Variants in MBTPS2 observed in about 807,000 individuals in gnomAD.
MBTPS2 encodes the protein membrane bound transcription factor peptidase, site 2.
A neutral mutation model predicts 35.4 loss-of-function variants in MBTPS2; 2 were observed. The ratio of observed to expected loss-of-function variants is 0.06; its 90% CI spans 0.02 to 0.18. MBTPS2 has a LOEUF of 0.18. Ranked by LOEUF, MBTPS2 falls within the 10% of genes least tolerant of loss-of-function variation. The pLI, the probability that MBTPS2 is intolerant of heterozygous loss-of-function variation, is 1.00. For synonymous variants in MBTPS2, 125 were observed against 140.4 expected, an observed-to-expected ratio of 0.89 and a Z score of 0.77; for missense variants, 244 against 386.5, an observed-to-expected ratio of 0.63 and a Z score of 3.09.
rs1382851867 is a variant in MBTPS2, at chrX:21,845,388, A to C, written c.438+4A>C. 1.7e-6 allele frequency: 2 copies of C among 1,194,899 alleles called. No individual in the cohort carries two copies. The highest frequency in any genetic ancestry group is 2.3e-6 in the Non-Finnish European group (2 of 885,273). On this transcript the variant is annotated splice_donor_region_variant and intron_variant, in intron 3 of 10. Coordinates refer to ENST00000379484, the MANE Select transcript of MBTPS2 (RefSeq NM_015884.4). ...TGAACAGGTGTTACAAGTTGTGGTA[A>C]GTATCGTCTTTTCGCTTTAAATAAC...
At chrX:21,852,201 G>T (rs2092915491) in intron 4 of MBTPS2, among the ~76,000 whole-genome samples, 1 of 111,654 alleles carries the variant, frequency 9.0e-6, no homozygotes, top group Non-Finnish European at 1.9e-5. Context: ...GCATTTAGAA[G>T]CCTATAACAC....
intron 5 of MBTPS2, among the ~76,000 whole-genome samples, chrX:21,860,014 C>G (rs2092929276): frequency 9.3e-6 from 1 of 107,254 alleles, no homozygotes; most frequent in Non-Finnish European, 1.9e-5. Context: ...ATCACTGGAG[C>G]TGGGGAAGTC....
At chrX:21,881,571 C>T (rs752359737) in intron 10 of MBTPS2, among the ~76,000 whole-genome samples, 14 of 111,166 alleles carry the variant, frequency 1.3e-4, no homozygotes, top group Non-Finnish European at 2.1e-4. Flanking sequence ...TTTTTAATGT[C>T]GTTCCTCAAT....
chrX:21,856,544 G>A (rs772359040), intron 5 of MBTPS2: 5 of 1,211,521 alleles, frequency 4.1e-6, no homozygotes, highest in Non-Finnish European at 5.6e-6. Flanking sequence ...CAGATATTGT[G>A]GAGCTCCACG....
rs376912578 is a variant in MBTPS2 at position 21,845,403 on chromosome X, C to T, written c.438+19C>T. 2.0e-5 allele frequency: 23 copies of T among 1,171,166 alleles called. No individual in the cohort carries two copies. The African/African-American group carries it at 3.6e-4, about 18-fold the overall frequency. ...AGTTGTGGTAAGTATCGTCTTTTCG[C>T]TTTAAATAACTATCGAAATAGAGAT... On this transcript the variant is annotated intron_variant, in intron 3 of 10. Coordinates refer to ENST00000379484, the MANE Select transcript of MBTPS2 (RefSeq NM_015884.4).
intron 5 of MBTPS2, among the ~76,000 whole-genome samples, chrX:21,863,988 T>A (rs1007644065): frequency 8.9e-6 from 1 of 112,161 alleles, no homozygotes; most frequent in Non-Finnish European, 1.9e-5. Context: ...TGCTGAGCTG[T>A]GAGCTCACCG....
chrX:21,843,237 T>A lies in MBTPS2; in HGVS notation c.143T>A (p.Phe48Tyr). The A allele has an allele frequency of 8.3e-7, 1 of 1,210,327 alleles. No homozygotes were observed. The highest frequency in any genetic ancestry group is 1.1e-6 in the Non-Finnish European group (1 of 894,032). ...AACAACGGACTGAGCATCTCCCCTT[T>A]CCACATAAGATGGCAAACTGCTGTT... ...LENNGLSISP[F>Y]HIRWQTAVFN... The change falls in exon 2 of 11, where the codon TTC (phenylalanine) becomes TAC (tyrosine). Residue 48 changes from phenylalanine to tyrosine, a missense_variant. Phe to Tyr is a conservative substitution (Grantham distance 22). Transcript: ENST00000379484.
At chrX:21,864,232 GTTTT>G (rs1173909462) in intron 5 of MBTPS2, among the ~76,000 whole-genome samples, 1 of 112,015 alleles carries the variant, frequency 8.9e-6, no homozygotes, top group Admixed American at 9.4e-5. Flanking sequence ...GTTTTGTTTT[GTTTT>G]TTGTTTGTTT....
intron 5 of MBTPS2, among the ~76,000 whole-genome samples, chrX:21,862,158 G>A (rs2092932199): frequency 9.0e-6 from 1 of 110,651 alleles, no homozygotes; most frequent in Non-Finnish European, 1.9e-5. Flanking sequence ...TCACATCCTG[G>A]TGCTAGTAGT....
chrX:21,856,865 G>A (rs747374702), intron 5 of MBTPS2: 45 of 1,209,475 alleles, frequency 3.7e-5, no homozygotes, highest in Non-Finnish European at 5.0e-5. Context: ...CGGCCTCGGC[G>A]GCATCAACAT....
chrX:21,872,053 C>G (rs969027999), intron 7 of MBTPS2: 2 of 110,683 alleles, frequency 1.8e-5, no homozygotes, highest in African/African-American at 6.6e-5. Flanking sequence ...ATAAATTTTC[C>G]CCATTCTCAG....
intron 5 of MBTPS2, among the ~76,000 whole-genome samples, chrX:21,861,508 A>G (rs765201636): frequency 9.0e-6 from 1 of 111,455 alleles, no homozygotes; most frequent in East Asian, 2.8e-4. Context: ...TGAGATTGAT[A>G]TTTATGAACA....
chrX:21,883,403 A>G lies in MBTPS2; in HGVS notation c.*748A>G. On this transcript the variant is annotated 3_prime_UTR_variant, in exon 11 of 11. Coordinates refer to ENST00000379484, the MANE Select transcript of MBTPS2 (RefSeq NM_015884.4). ...GCTGCAGGAAGCATCACACACCAGCAGCATGTGAGCAGAGGGAGGCAGTTG... is the reference window on the plus strand; with the variant it reads ...GCTGCAGGAAGCATCACACACCAGCGGCATGTGAGCAGAGGGAGGCAGTTG... 1.3e-6 allele frequency: 1 copy of G among 754,838 alleles called. No homozygotes were observed. Among genetic ancestry groups the G allele is most frequent in the Non-Finnish European group, 1.6e-6 (1 of 639,759 alleles). 62.2% of individuals were successfully genotyped at this position (754,838 alleles called of 1,213,427 possible). A position where few individuals can be genotyped will look rare whatever the true frequency, so the allele number is the denominator to read the frequency against.
chrX:21,883,476 A>C lies in MBTPS2; in HGVS notation c.*821A>C. On this transcript the variant is annotated 3_prime_UTR_variant, in exon 11 of 11. Coordinates refer to ENST00000379484, the MANE Select transcript of MBTPS2 (RefSeq NM_015884.4). ...CGGGTCTCCTGACAGATCACAAGAC[A>C]CCCCAGAGGATCTTCAGCAGTCCTA... The C allele has an allele frequency of 1.3e-6, 1 of 753,743 alleles. No homozygotes were observed. The highest frequency in any genetic ancestry group is 1.6e-6 in the Non-Finnish European group (1 of 639,251). 62.1% of individuals were successfully genotyped at this position (753,743 alleles called of 1,213,427 possible). A position where few individuals can be genotyped will look rare whatever the true frequency, so the allele number is the denominator to read the frequency against.
At chrX:21,877,339 G>A (rs2092954293) in intron 7 of MBTPS2, among the ~76,000 whole-genome samples, 1 of 111,841 alleles carries the variant, frequency 8.9e-6, no homozygotes, top group Non-Finnish European at 1.9e-5. Flanking sequence ...CTACTCAGGA[G>A]GCTGAGGCAG....
intron 5 of MBTPS2, among the ~76,000 whole-genome samples, chrX:21,863,427 G>A (rs183089565): frequency 9.0e-6 from 1 of 110,508 alleles, no homozygotes. Context: ...AAAATCTGGA[G>A]TAATGGAAAA....
At chrX:21,875,006 G>T (rs1015466514) in intron 7 of MBTPS2, among the ~76,000 whole-genome samples, 3 of 112,449 alleles carry the variant, frequency 2.7e-5, no homozygotes, top group African/African-American at 9.7e-5. Flanking sequence ...TAGTGATAGA[G>T]AAATATCAAG....
At chrX:21,875,900 G>A (rs12164406) in intron 7 of MBTPS2, among the ~76,000 whole-genome samples, 3 of 112,111 alleles carry the variant, frequency 2.7e-5, no homozygotes, top group African/African-American at 9.7e-5. Context: ...ATGGACCTCA[G>A]CACCATAGAA....
chrX:21,843,079 T>C (rs1459949456), intron 1 of MBTPS2, 91 bp from the exon 2 acceptor site: 45 of 748,581 alleles, frequency 6.0e-5, no homozygotes, highest in Non-Finnish European at 8.6e-5. Context: ...AGCATCTTAA[T>C]TTCCTCTAGA....
Sources: allele counts gnomAD v4.1 joint callset (sites outside exome capture counted in the v4.1 genomes callset), GRCh38; gene constraint gnomAD v4.1.1; transcripts MANE v1.5; gene names NCBI Gene and HGNC (gene_info 2026-07-23, HGNC 2026-07-21).